The following THSD4 variants were observed in gnomAD, a reference collection of about 807,000 sequenced individuals.
THSD4 encodes thrombospondin type 1 domain containing 4, also known as thrombospondin type-1 domain-containing protein 4.
THSD4 carries 69 observed loss-of-function variants against 119.0 expected under a neutral mutation model. The observed-to-expected ratio is 0.58, with a 90% CI of 0.48 to 0.71. The LOEUF is 0.71. Among genes scored for constraint, THSD4 ranks in the 30% least tolerant of loss-of-function variants. THSD4 has a pLI of 0.00. For synonymous variants in THSD4, 524 were observed against 540.4 expected (o/e 0.97, Z 0.42); for missense variants, 1,393 against 1,391.1 (o/e 1.00, Z -0.02).
chr15:71,657,122 T>C (rs1184552332), intron 7 of THSD4, among the ~76,000 whole-genome samples: 3 of 152,208 alleles, frequency 2.0e-5, no homozygotes. Context: ...CAAGCGTTCC[T>C]CATGGCCTGA....
At chr15:71,333,652 G>A (rs1357661708) in intron 6 of THSD4, among the ~76,000 whole-genome samples, 1 of 152,046 alleles carries the variant, frequency 6.6e-6, no homozygotes, top group African/African-American at 2.4e-5. Flanking sequence ...CCAAAAATCG[G>A]CCAGACTGAG....
intron 7 of THSD4, among the ~76,000 whole-genome samples, chr15:71,555,313 G>A (rs78924897): frequency 6.6e-6 from 1 of 152,110 alleles, no homozygotes; most frequent in Admixed American, 6.5e-5. Context: ...TCCAGTATTA[G>A]GCATTATCAG....
chr15:71,506,794 TTG>T (rs1237021157), intron 7 of THSD4, among the ~76,000 whole-genome samples: 13 of 152,220 alleles, frequency 8.5e-5, no homozygotes, highest in African/African-American at 2.9e-4. Context: ...TCCATGGGGT[TTG>T]TGTTTCAGGC....
At chr15:71,174,197 C>T (rs1282062678) in intron 3 of THSD4, among the ~76,000 whole-genome samples, 2 of 152,116 alleles carry the variant, frequency 1.3e-5, no homozygotes, top group South Asian at 2.1e-4. Flanking sequence ...GCGTGAGCGA[C>T]GCAGAAGACG....
At chr15:71,315,271 C>A (rs1310271939) in intron 6 of THSD4, among the ~76,000 whole-genome samples, 1 of 150,778 alleles carries the variant, frequency 6.6e-6, no homozygotes, top group Non-Finnish European at 1.5e-5. Flanking sequence ...TGGTGACCAT[C>A]CCTGCCTTGG....
intron 6 of THSD4, among the ~76,000 whole-genome samples, chr15:71,274,868 A>C (rs2044572531): frequency 6.6e-6 from 1 of 152,178 alleles, no homozygotes; most frequent in African/African-American, 2.4e-5. Flanking sequence ...AGTAAAGAAA[A>C]GCCTCAGGGT....
chr15:71,236,370 T>G (rs563682370), intron 4 of THSD4, among the ~76,000 whole-genome samples: 2 of 152,302 alleles, frequency 1.3e-5, no homozygotes, highest in South Asian at 4.1e-4. Flanking sequence ...TCTTCACTCC[T>G]TTTGAAAATA....
chr15:71,118,763 G>A (rs186444615), intron 1 of THSD4, among the ~76,000 whole-genome samples: 1 of 152,348 alleles, frequency 6.6e-6, no homozygotes, highest in African/African-American at 2.4e-5. Flanking sequence ...TGTGAAAATG[G>A]ATTAAAAATG....
intron 7 of THSD4, among the ~76,000 whole-genome samples, chr15:71,433,916 C>T (rs115018152): frequency 1.1e-3 from 165 of 152,238 alleles, no homozygotes; most frequent in African/African-American, 3.9e-3. Context: ...AAGATGTATA[C>T]AGAACTTTGG....
At chr15:71,575,402 A>G (rs1016369724) in intron 7 of THSD4, among the ~76,000 whole-genome samples, 5 of 152,210 alleles carry the variant, frequency 3.3e-5, no homozygotes, top group Non-Finnish European at 5.9e-5. Flanking sequence ...ATGAGCAAAA[A>G]CTAGAAGGTA....
At chr15:71,442,660 GTA>G (rs71154772) in intron 7 of THSD4, among the ~76,000 whole-genome samples, 413 of 25,776 alleles carry the variant, frequency 0.016, 63 homozygotes, top group South Asian at 0.046. Flanking sequence ...GTGTGTGTGT[GTA>G]TATATATATA....
At chr15:71,404,743 A>AT (rs1334260042) in intron 6 of THSD4, among the ~76,000 whole-genome samples, 3 of 152,250 alleles carry the variant, frequency 2.0e-5, no homozygotes, top group African/African-American at 7.2e-5. Context: ...ACAAGGTGCC[A>AT]TGAAGCAGGC....
At chr15:71,507,498 A>G (rs997525042) in intron 7 of THSD4, among the ~76,000 whole-genome samples, 21 of 152,184 alleles carry the variant, frequency 1.4e-4, no homozygotes, top group Non-Finnish European at 2.8e-4. Context: ...TCTTTCAGCC[A>G]CACTCAGATC....
chr15:71,702,458 A>C (rs1458231532), intron 8 of THSD4, among the ~76,000 whole-genome samples: 1 of 152,320 alleles, frequency 6.6e-6, no homozygotes, highest in East Asian at 1.9e-4. Context: ...GATGGTTAAT[A>C]AATTGTATTA....
rs1159555080 is a variant in THSD4, at chr15:71,109,385, C to A, written c.-80+12379C>A. ...AAATTTTTAAAAAAGAAGTCACATA[C>A]TTCTCTGAGTATGTCATCTTTTCCC... On this transcript the variant is annotated intron_variant, in intron 1 of 17. Transcript: ENST00000355327. Among the ~76,000 whole-genome samples the A allele has an allele frequency of 2.0e-5, 3 of 152,204 alleles. No homozygotes were observed. In the East Asian group the frequency reaches 5.8e-4, roughly 29 times the overall value.
chr15:71,329,926 A>T (rs2045400267), intron 6 of THSD4, among the ~76,000 whole-genome samples: 1 of 152,116 alleles, frequency 6.6e-6, no homozygotes, highest in South Asian at 2.1e-4. Context: ...ACAAAAAATA[A>T]AAAATTAGGC....
intron 6 of THSD4, among the ~76,000 whole-genome samples, chr15:71,374,671 G>T (rs1452152040): frequency 6.6e-6 from 1 of 152,170 alleles, no homozygotes; most frequent in East Asian, 1.9e-4. Flanking sequence ...CTGACCTTCA[G>T]ACTTTGAATT....
chr15:71,659,010 C>T (rs6494954), intron 7 of THSD4, among the ~76,000 whole-genome samples: 39,624 of 152,062 alleles, frequency 0.26, 5,951 homozygotes, highest in East Asian at 0.7. Flanking sequence ...TAGGACCTAC[C>T]TGAAGAGACC....
chr15:71,395,859 T>C (rs560766433), intron 6 of THSD4, among the ~76,000 whole-genome samples: 78 of 151,798 alleles, frequency 5.1e-4, no homozygotes, highest in Middle Eastern at 3.4e-3. Flanking sequence ...CTCTTCCTGC[T>C]ACAACCTTCC....
Sources: gnomAD v4.1 joint callset for allele counts (sites outside exome capture counted in the v4.1 genomes callset) on GRCh38, gnomAD v4.1.1 for gene constraint, MANE v1.5 for transcripts, NCBI Gene and HGNC (gene_info 2026-07-23, HGNC 2026-07-21) for gene names.